Variants in VPS13B observed in about 807,000 individuals in gnomAD.
The protein encoded by VPS13B is vacuolar protein sorting 13 homolog B.
VPS13B carries 285 observed loss-of-function variants against 426.4 expected under a neutral mutation model. The ratio of observed to expected loss-of-function variants is 0.67; its 90% CI spans 0.61 to 0.74. VPS13B has a LOEUF of 0.74. Ranked by LOEUF, VPS13B falls within the 30% of genes least tolerant of loss-of-function variation. The pLI is 0.00. For synonymous variants in VPS13B, 1,676 were observed against 1,676.4 expected (o/e 1.00, Z 0.01); for missense variants, 4,537 against 4,782.6 (o/e 0.95, Z 1.51).
intron 24 of VPS13B, among the ~76,000 whole-genome samples, chr8:99,472,323 C>A (rs1381103317): frequency 8.6e-5 from 13 of 151,992 alleles, no homozygotes; most frequent in African/African-American, 2.4e-5. Context: ...TACAGATATA[C>A]ATGGTCTCAT....
rs73287861 is a variant in VPS13B, at chr8:99,390,651, G to A, written c.2935-906G>A. On this transcript the variant is annotated intron_variant, in intron 20 of 61. Transcript: ENST00000357162. ...AGACTACACTGCAGCCTGACCAACC[G>A]CCACCAGATTCACCATCTGATACAG... 5.1e-3 allele frequency among the ~76,000 whole-genome samples: 778 copies of A among 152,196 alleles called. 5 individuals carry two copies. Among genetic ancestry groups the A allele is most frequent in the Middle Eastern group, 0.02 (6 of 294 alleles).
intron 3 of VPS13B, among the ~76,000 whole-genome samples, chr8:99,055,850 T>C (rs888582445): frequency 6.6e-6 from 1 of 151,716 alleles, no homozygotes; most frequent in African/African-American, 2.4e-5. Flanking sequence ...CCACCTCATC[T>C]TCCCTAGTAG....
chr8:99,151,536 CTTTG>C (rs951938648), intron 14 of VPS13B, among the ~76,000 whole-genome samples: 4 of 150,968 alleles, frequency 2.6e-5, no homozygotes, highest in Admixed American at 2.6e-4. Flanking sequence ...TATAGTACTT[CTTTG>C]TTTTTTTTTT....
intron 33 of VPS13B, among the ~76,000 whole-genome samples, chr8:99,599,967 G>GT (rs1460664267): frequency 6.6e-6 from 1 of 152,114 alleles, no homozygotes; most frequent in African/African-American, 2.4e-5. Context: ...TTACCCAAAT[G>GT]TATACATTTG....
chr8:99,499,341 C>T (rs1473819030), intron 25 of VPS13B, among the ~76,000 whole-genome samples: 2 of 152,086 alleles, frequency 1.3e-5, no homozygotes, highest in Non-Finnish European at 2.9e-5. Context: ...GGAGTGCTTA[C>T]TAAATTTGCA....
At chr8:99,501,551 C>CA in intron 25 of VPS13B, 136 bp from the exon 26 acceptor site, 1 of 862,084 alleles carries the variant, frequency 1.2e-6, no homozygotes, top group Non-Finnish European at 1.8e-6. Context: ...TTGGTATTAA[C>CA]ATTTATATGA....
At chr8:99,409,063 A>G (rs971578375) in intron 21 of VPS13B, among the ~76,000 whole-genome samples, 1 of 152,188 alleles carries the variant, frequency 6.6e-6, no homozygotes, top group Non-Finnish European at 1.5e-5. Context: ...CCACAGTATG[A>G]TAGCTCTTCT....
chr8:99,696,219 TAGAGA>T (rs1171239677), intron 35 of VPS13B: 1 of 184,364 alleles, frequency 5.4e-6, no homozygotes, highest in Non-Finnish European at 1.1e-5. Context: ...GACTTGGTAG[TAGAGA>T]AGTCCCTCAA....
At chr8:99,209,678 A>T in intron 17 of VPS13B, 1 of 936,266 alleles carries the variant, frequency 1.1e-6, no homozygotes, top group African/African-American at 1.8e-5. Flanking sequence ...AAGTGCCGGG[A>T]TTGGAGGCCC....
At chr8:99,539,472 G>A (rs1449197172) in intron 30 of VPS13B, among the ~76,000 whole-genome samples, 2 of 152,190 alleles carry the variant, frequency 1.3e-5, no homozygotes, top group Non-Finnish European at 2.9e-5. Flanking sequence ...TTAGGCCAGT[G>A]CCATGGCTCA....
At chr8:99,018,423 T>A (rs1316457244) in intron 2 of VPS13B, among the ~76,000 whole-genome samples, 1 of 152,182 alleles carries the variant, frequency 6.6e-6, no homozygotes, top group East Asian at 1.9e-4. Context: ...TTTTAAATAA[T>A]TTGTTACCAG....
intron 33 of VPS13B, among the ~76,000 whole-genome samples, chr8:99,609,135 C>A (rs1827730809): frequency 2.0e-5 from 3 of 152,126 alleles, no homozygotes; most frequent in Non-Finnish European, 4.4e-5. Flanking sequence ...TTTTCTTATT[C>A]TGTTATGTTA....
intron 17 of VPS13B, among the ~76,000 whole-genome samples, chr8:99,265,947 G>A (rs978327258): frequency 4.6e-5 from 7 of 152,080 alleles, no homozygotes; most frequent in African/African-American, 1.7e-4. Flanking sequence ...TCGTTTCTTT[G>A]TTAGTTTAGC....
intron 56 of VPS13B, among the ~76,000 whole-genome samples, chr8:99,859,030 G>A (rs994853876): frequency 3.9e-5 from 6 of 152,258 alleles, no homozygotes; most frequent in South Asian, 2.1e-4. Context: ...ATGGACCCCC[G>A]TTAGCAGGAA....
At chr8:99,021,157 G>A (rs547078490) in intron 2 of VPS13B, among the ~76,000 whole-genome samples, 2 of 152,192 alleles carry the variant, frequency 1.3e-5, no homozygotes, top group Admixed American at 6.5e-5. Flanking sequence ...GGCTGCTTTC[G>A]CCCTAAAACA....
chr8:99,111,976 A>G (rs188300049), intron 6 of VPS13B, among the ~76,000 whole-genome samples: 177 of 152,068 alleles, frequency 1.2e-3, no homozygotes, highest in African/African-American at 4.1e-3. Context: ...TAGAATCCAC[A>G]CTGTCTGTTG....
At position 99,193,664 on chromosome 8, in the gene VPS13B, A is replaced by G. The variant is rs185030240; in HGVS notation, c.2515+607A>G. Among the ~76,000 whole-genome samples, 962 of 152,296 alleles carry G rather than the reference A, an allele frequency of 6.3e-3. 8 individuals carry two copies. The highest frequency in any genetic ancestry group is 0.022 in the African/African-American group (903 of 41,580). On this transcript the variant is annotated intron_variant, in intron 17 of 61. Coordinates refer to ENST00000357162, the MANE Select transcript of VPS13B (RefSeq NM_152564.5). Reference sequence around the variant, plus strand: ...TCAGTAACACAAAAGTAGTTTTTAAAGGTTATAATTTAAGTGTAATTATGC... The same window carrying G: ...TCAGTAACACAAAAGTAGTTTTTAAGGGTTATAATTTAAGTGTAATTATGC...
intron 21 of VPS13B, among the ~76,000 whole-genome samples, chr8:99,414,327 G>A (rs1446228096): frequency 6.6e-6 from 1 of 150,864 alleles, no homozygotes; most frequent in African/African-American, 2.4e-5. Context: ...GACATGAGAT[G>A]GGTCTCTTGA....
At chr8:99,125,106 C>G (rs759775941) in intron 8 of VPS13B, among the ~76,000 whole-genome samples, 3 of 152,040 alleles carry the variant, frequency 2.0e-5, no homozygotes, top group Non-Finnish European at 4.4e-5. Context: ...GGTAAAGTCC[C>G]ATGATAGGCC....
Sources: gnomAD v4.1 joint callset for allele counts (sites outside exome capture counted in the v4.1 genomes callset) on GRCh38, gnomAD v4.1.1 for gene constraint, MANE v1.5 for transcripts, NCBI Gene and HGNC (gene_info 2026-07-23, HGNC 2026-07-21) for gene names.